Variants in AHNAK observed in about 807,000 individuals in gnomAD.
AHNAK encodes neuroblast differentiation-associated protein AHNAK.
AHNAK carries 23 observed loss-of-function variants against 37.8 expected under a neutral mutation model. That is an observed-to-expected ratio of 0.61 (90% CI 0.44 to 0.86). AHNAK has a LOEUF of 0.86. Among genes scored for constraint, AHNAK ranks in the 40% least tolerant of loss-of-function variants. The pLI is 0.00. For missense variants in AHNAK, 7,411 were observed against 7,319.4 expected, an observed-to-expected ratio of 1.01 and a Z score of -0.46; for synonymous variants, 2,481 against 2,636.3, an observed-to-expected ratio of 0.94 and a Z score of 1.80.
rs765597787 is a variant in AHNAK, at chr11:62,519,812, C to T, written c.14605G>A (p.Val4869Met). ...GTCCCTTCAACCTTAGGGACAGACA[C>T]ATCAAAATCTCCTTTTACTTTGGGT... ...KGPKVKGDFD[V>M]SVPKVEGTLK... Residue 4869 changes from valine (V) to methionine (M), a missense_variant, in exon 5 of 5, where the codon GTG becomes ATG. Physicochemically the swap from Val to Met is conservative, Grantham distance 21 (BLOSUM62 1). Transcript: ENST00000378024. 12 of 1,614,180 alleles carry T rather than the reference C, an allele frequency of 7.4e-6. No homozygotes were observed. The East Asian group carries it at 2.0e-4, about 27-fold the overall frequency.
rs1940144975 is a variant in AHNAK at position 62,519,366 on chromosome 11, C to T, written c.15051G>A (p.Lys5017=). The T allele has an allele frequency of 6.2e-7, 1 of 1,614,010 alleles. No homozygotes were observed. Among genetic ancestry groups the T allele is most frequent in the African/African-American group, 1.3e-5 (1 of 75,022 alleles). Residue 5017 remains lysine, a synonymous_variant, in exon 5 of 5, where the codon AAG becomes AAA. Transcript: ENST00000378024. ...GCATTTTAAACTTACTTTTCTTGCC[C>T]TTGCCACCAACACTAATTTCAGGAG... ...LETPEISVGG[K]GKKSKFKMPK...
At chr11:62,489,240 C>CA (rs796392296) in intron 5 of AHNAK, among the ~76,000 whole-genome samples, 2,259 of 99,158 alleles carry the variant, frequency 0.023, 22 homozygotes, top group African/African-American at 0.038. Flanking sequence ...GACTCCATCT[C>CA]AAAAAAAAAA....
At chr11:62,505,021 A>G (rs1444634698) in intron 4 of AHNAK, among the ~76,000 whole-genome samples, 1 of 152,148 alleles carries the variant, frequency 6.6e-6, no homozygotes, top group Non-Finnish European at 1.5e-5. Context: ...CCAGGACCTT[A>G]GTTTCTCAGG....
chr11:62,540,009 G>A (rs1590692251), intron 1 of AHNAK, among the ~76,000 whole-genome samples: 1 of 152,238 alleles, frequency 6.6e-6, no homozygotes, highest in South Asian at 2.1e-4. Flanking sequence ...CACCTCTGGA[G>A]CCTGTATCAA....
intron 5 of AHNAK, among the ~76,000 whole-genome samples, chr11:62,461,234 C>T (rs1176412626): frequency 6.6e-6 from 1 of 150,834 alleles, no homozygotes; most frequent in African/African-American, 2.4e-5. Context: ...CAACCTCCAC[C>T]TCCCAGGTTC....
chr11:62,517,840 C>T lies in AHNAK; in HGVS notation c.16577G>A (p.Gly5526Asp). 1 of 1,614,216 alleles carries T rather than the reference C, an allele frequency of 6.2e-7. No homozygotes were observed. The highest frequency in any genetic ancestry group is 8.5e-7 in the Non-Finnish European group (1 of 1,180,022). ...GQISGPEIKG[G>D]LKGSEVGFHG... ...GAAACCTACTTCTGAACCTTTCAGA[C>T]CACCTTTGATTTCAGGCCCAGAAAT... is the stretch of plus-strand genomic sequence containing the variant. The change falls in exon 5 of 5, where the codon GGT becomes GAT. Residue 5526 changes from glycine to aspartate, a missense_variant. Coordinates refer to ENST00000378024, the MANE Select transcript of AHNAK (RefSeq NM_001620.3).
intron 4 of AHNAK, among the ~76,000 whole-genome samples, chr11:62,501,197 A>G (rs1318851188): frequency 1.3e-5 from 2 of 151,762 alleles, no homozygotes; most frequent in Non-Finnish European, 2.9e-5. Context: ...GTGAGACCCC[A>G]TCCAAAAAAA....
chr11:62,444,889 G>A (rs1014965100), intron 5 of AHNAK, among the ~76,000 whole-genome samples: 1 of 152,212 alleles, frequency 6.6e-6, no homozygotes, highest in South Asian at 2.1e-4. Context: ...GTGAAGTCCA[G>A]GCAGCCCAGC....
At chr11:62,478,875 TG>T (rs201367714) in intron 5 of AHNAK, among the ~76,000 whole-genome samples, 1 of 151,968 alleles carries the variant, frequency 6.6e-6, no homozygotes, top group African/African-American at 2.4e-5. Flanking sequence ...TAATTTTTTT[TG>T]TTTGTTTGTT....
rs1477503809 is a variant in AHNAK at position 62,522,185 on chromosome 11, G to A, written c.12232C>T (p.Pro4078Ser). Residue 4078 changes from proline (P) to serine (S), a missense_variant, in exon 5 of 5, where the codon CCA (proline) becomes TCA (serine). Pro to Ser is a moderately conservative substitution (Grantham distance 74). Coordinates refer to ENST00000378024, the MANE Select transcript of AHNAK (RefSeq NM_001620.3). ...TTGGGCAAATTAACATCCACTTCTG[G>A]GCCCTCTCCTTTAAATCCTGGCATG... ...FSMPGFKGEG[P>S]EVDVNLPKAD... 4 of 1,613,056 alleles carry A rather than the reference G, an allele frequency of 2.5e-6. No individual in the cohort carries two copies. The African/African-American group carries it at 5.4e-5, about 22-fold the overall frequency.
intron 4 of AHNAK, among the ~76,000 whole-genome samples, chr11:62,497,980 A>G (rs975236529): frequency 1.3e-5 from 2 of 152,042 alleles, no homozygotes; most frequent in African/African-American, 4.8e-5. Flanking sequence ...AAAAAAAAGT[A>G]AACACTGGAA....
intron 5 of AHNAK, among the ~76,000 whole-genome samples, chr11:62,453,219 A>G (rs1938579396): frequency 6.6e-6 from 1 of 151,974 alleles, no homozygotes; most frequent in African/African-American, 2.4e-5. Context: ...TTTATCCCAC[A>G]ATGCAGACTG....
intron 5 of AHNAK, among the ~76,000 whole-genome samples, chr11:62,460,201 C>T (rs190612484): frequency 3.9e-4 from 60 of 152,128 alleles, no homozygotes; most frequent in African/African-American, 1.4e-3. Flanking sequence ...GCACGAGACT[C>T]GCTTGAACTG....
At chr11:62,442,191 T>C (rs1393665408) in intron 5 of AHNAK, among the ~76,000 whole-genome samples, 1 of 152,228 alleles carries the variant, frequency 6.6e-6, no homozygotes, top group East Asian at 1.9e-4. Context: ...AAATGCTGGG[T>C]TTCATTTACA....
chr11:62,491,935 GT>G, intron 4 of AHNAK: 1 of 1,016,538 alleles, frequency 9.8e-7, no homozygotes, highest in Non-Finnish European at 1.5e-6. Context: ...GAGACCCCAC[GT>G]TTACCACTAC....
intron 1 of AHNAK, chr11:62,546,062 C>G (rs1203010116): frequency 6.5e-6 from 1 of 152,798 alleles, no homozygotes; most frequent in Non-Finnish European, 1.5e-5. Context: ...GAGCGGGGAA[C>G]GCGGAGAGGC....
chr11:62,494,050 G>A (rs1939561899), intron 4 of AHNAK, among the ~76,000 whole-genome samples: 1 of 152,008 alleles, frequency 6.6e-6, no homozygotes, highest in South Asian at 2.1e-4. Context: ...TGAATGAGTG[G>A]TGAATAAATG....
Position 62,522,958 on chromosome 11 carries a change from T to C in AHNAK, c.11459A>G (p.Glu3820Gly). ...PKFSMPGFKG[E>G]GPDVDVNLPK... ...CAGGTTCACATCCACATCTGGGCCC[T>C]CTCCTTTGAAGCCAGGCATGCTGAA... Residue 3820 changes from glutamate (E) to glycine (G), a missense_variant, in exon 5 of 5, where the codon GAG becomes GGG. Physicochemically the swap from Glu to Gly is moderately conservative, Grantham distance 98 (BLOSUM62 -2). Coordinates refer to ENST00000378024, the MANE Select transcript of AHNAK (RefSeq NM_001620.3). The C allele has an allele frequency of 6.2e-7, 1 of 1,613,186 alleles. No homozygotes were observed. Among genetic ancestry groups the C allele is most frequent in the Non-Finnish European group, 8.5e-7 (1 of 1,179,862 alleles).
chr11:62,463,319 T>A (rs1287358182), intron 5 of AHNAK, among the ~76,000 whole-genome samples: 2 of 152,116 alleles, frequency 1.3e-5, no homozygotes, highest in African/African-American at 4.8e-5. Context: ...CACCCCACAC[T>A]CACGCAAACT....
Sources: allele counts gnomAD v4.1 joint callset (sites outside exome capture counted in the v4.1 genomes callset), GRCh38; gene constraint gnomAD v4.1.1; transcripts MANE v1.5; gene names NCBI Gene and HGNC (gene_info 2026-07-23, HGNC 2026-07-21).